The following MGRN1 variants were observed in gnomAD, a reference collection of about 807,000 sequenced individuals.
The protein encoded by MGRN1 is mahogunin ring finger 1, also known as E3 ubiquitin-protein ligase MGRN1.
A neutral mutation model predicts 69.2 loss-of-function variants in MGRN1; 29 were observed. That is an observed-to-expected ratio of 0.42 (90% confidence interval 0.31 to 0.57). The LOEUF (loss-of-function observed/expected upper bound fraction) is 0.57, where lower values mean the gene tolerates loss of function less well. Among genes scored for constraint, MGRN1 ranks in the 20% least tolerant of loss-of-function variants. MGRN1 has a pLI of 0.15. For missense variants in MGRN1, 998 were observed against 796.2 expected (o/e 1.25, Z -3.05); for synonymous variants, 470 against 344.2 (o/e 1.37, Z -4.04).
In MGRN1 at chr16:4,664,789, C is replaced by T. The variant is rs1320523317; in HGVS notation, c.628+14C>T. ...ACGAAGGAGATGGTGAGTGCGTCCT[C>T]TTCCGTCCTCCTGGGCGTGCAGGCC... On this transcript the variant is annotated intron_variant, in intron 6 of 16. Transcript: ENST00000262370. The T allele has an allele frequency of 6.2e-7, 1 of 1,614,086 alleles. No homozygotes were observed.
At chr16:4,679,895 C>G (rs1052960333) in intron 11 of MGRN1, 137 bp from the exon 12 acceptor site, 4 of 826,068 alleles carry the variant, frequency 4.8e-6, no homozygotes, top group Non-Finnish European at 7.8e-6. Context: ...AGGACAGTCC[C>G]GAGATTCACG....
intron 6 of MGRN1, 42 bp from the exon 7 acceptor site, chr16:4,665,060 C>T (rs1330181127): frequency 1.2e-6 from 2 of 1,611,396 alleles, no homozygotes; most frequent in South Asian, 1.1e-5. Context: ...CTGGGTGGGG[C>T]AGGCCCCGAC....
At chr16:4,655,353 G>C (rs1038993252) in intron 4 of MGRN1, among the ~76,000 whole-genome samples, 5 of 152,212 alleles carry the variant, frequency 3.3e-5, no homozygotes, top group African/African-American at 1.2e-4. Flanking sequence ...GCCAGCCCTG[G>C]CTGGTGTCAC....
chr16:4,652,832 C>G lies in MGRN1; in HGVS notation c.443+8C>G, dbSNP rs751585824. 4.4e-6 allele frequency: 7 copies of G among 1,589,282 alleles called. No homozygotes were observed. The African/African-American group carries it at 9.4e-5, about 21-fold the overall frequency. ...CCTGAACGGCAGGGCAGTGTGAGTC[C>G]CGCGGGCGGCTGGCACCGGCCTGGC... On this transcript the variant is annotated splice_region_variant and intron_variant, in intron 4 of 16. Transcript: ENST00000262370.
chr16:4,641,051 C>G (rs1231870492), intron 1 of MGRN1, among the ~76,000 whole-genome samples: 1 of 152,198 alleles, frequency 6.6e-6, no homozygotes, highest in Non-Finnish European at 1.5e-5. Flanking sequence ...TGCGTTCTTT[C>G]ACCTCCACAG....
Position 4,688,957 on chromosome 16 carries a change from C to T in MGRN1, c.*49C>T, listed in dbSNP as rs1245124355. On this transcript the variant is annotated 3_prime_UTR_variant, in exon 17 of 17. Coordinates refer to ENST00000262370, the MANE Select transcript of MGRN1 (RefSeq NM_015246.4). Reference sequence around the variant, plus strand: ...GGAGCCCTCGGCTCCCCAGACTTTGCCGAGGGGCTGCTCCGGACCCCGTTG... The same window carrying T: ...GGAGCCCTCGGCTCCCCAGACTTTGTCGAGGGGCTGCTCCGGACCCCGTTG... The T allele has an allele frequency of 1.3e-6, 2 of 1,502,720 alleles. No individual in the cohort carries two copies. Among genetic ancestry groups the T allele is most frequent in the South Asian group, 1.2e-5 (1 of 80,594 alleles). 93.1% of individuals were successfully genotyped at this position (1,502,720 alleles called of 1,614,324 possible).
chr16:4,688,572 A>G, intron 16 of MGRN1: 1 of 1,288,362 alleles, frequency 7.8e-7, no homozygotes, highest in Non-Finnish European at 9.9e-7. Flanking sequence ...GTGTCCGGGG[A>G]TCTGGGATCG....
intron 4 of MGRN1, among the ~76,000 whole-genome samples, chr16:4,656,547 C>T (rs997411630): frequency 2.0e-5 from 3 of 152,196 alleles, no homozygotes; most frequent in East Asian, 1.9e-4. Flanking sequence ...GGGGAAGATG[C>T]ATTTTGCACT....
chr16:4,637,384 C>T (rs918848493), intron 1 of MGRN1, among the ~76,000 whole-genome samples: 25 of 151,736 alleles, frequency 1.6e-4, no homozygotes, highest in Middle Eastern at 3.4e-3. Context: ...GAGCCAAGAT[C>T]GCGCCATTGC....
chr16:4,647,914 C>G (rs2078308150), intron 1 of MGRN1, among the ~76,000 whole-genome samples: 1 of 152,096 alleles, frequency 6.6e-6, no homozygotes. Flanking sequence ...CCACCTCCCT[C>G]AGGAGGAGCA....
chr16:4,688,570 G>A lies in MGRN1; in HGVS notation c.1619-226G>A, dbSNP rs570925956. On this transcript the variant is annotated intron_variant, in intron 16 of 16. Coordinates refer to ENST00000262370, the MANE Select transcript of MGRN1 (RefSeq NM_015246.4). ...CTGCAGATCTGCTGTGGGTGTCCGG[G>A]GATCTGGGATCGTCTGTCCCAAGAG... is the stretch of plus-strand genomic sequence containing the variant. The A allele has an allele frequency of 1.6e-5, 20 of 1,288,478 alleles. No homozygotes were observed. In the African/African-American group the frequency reaches 2.6e-4, roughly 16 times the overall value. The allele number at this position is 1,288,478 out of a possible 1,614,324, so 79.8% of individuals were successfully genotyped here. A position where few individuals can be genotyped will look rare whatever the true frequency, so the allele number is the denominator to read the frequency against.
intron 1 of MGRN1, among the ~76,000 whole-genome samples, chr16:4,632,246 C>T (rs1458016544): frequency 6.6e-6 from 1 of 151,616 alleles, no homozygotes. Context: ...GATCTATTGA[C>T]CTTTTGACCC....
At chr16:4,687,991 A>ACG in intron 16 of MGRN1, 1 of 985,386 alleles carries the variant, frequency 1.0e-6, no homozygotes, top group Non-Finnish European at 1.2e-6. Flanking sequence ...TGCGAATGTC[A>ACG]CGATTCAGGT....
intron 1 of MGRN1, among the ~76,000 whole-genome samples, chr16:4,628,080 A>G (rs929929465): frequency 8.1e-6 from 1 of 123,112 alleles, no homozygotes; most frequent in African/African-American, 3.5e-5. Context: ...ACTCCGTCTC[A>G]AAAAAAAAAA....
intron 9 of MGRN1, among the ~76,000 whole-genome samples, chr16:4,671,681 G>C (rs2078940518): frequency 6.6e-6 from 1 of 152,148 alleles, no homozygotes; most frequent in Non-Finnish European, 1.5e-5. Context: ...TTGCCATCCA[G>C]GTTCCCCAGG....
intron 5 of MGRN1, 92 bp downstream of exon 5, chr16:4,657,455 G>C (rs761726261): frequency 2.5e-4 from 309 of 1,259,482 alleles, no homozygotes; most frequent in Non-Finnish European, 3.1e-4. Context: ...TGTGTGTTTG[G>C]CTTCCTCCAG....
At chr16:4,687,050 G>A in intron 16 of MGRN1, 6 of 985,704 alleles carry the variant, frequency 6.1e-6, no homozygotes, top group Non-Finnish European at 7.2e-6. Context: ...TGGCCACCGT[G>A]GGCCTGGCAT....
chr16:4,652,144 G>A lies in MGRN1; in HGVS notation c.296+93G>A, dbSNP rs905695118. 9 of 1,294,160 alleles carry A rather than the reference G, an allele frequency of 7.0e-6. No individual in the cohort carries two copies. In the East Asian group the frequency reaches 1.5e-4, roughly 22 times the overall value. 80.2% of individuals were successfully genotyped at this position (1,294,160 alleles called of 1,614,324 possible). A position where few individuals can be genotyped will look rare whatever the true frequency, so the allele number is the denominator to read the frequency against. ...TTGATGCTTGAGGAAAAGGGCAGGC[G>A]GGAGGGGCCCCAGTTTCTGCGCCCT... is the stretch of plus-strand genomic sequence containing the variant. On this transcript the variant is annotated intron_variant, in intron 3 of 16. Transcript: ENST00000262370.
chr16:4,667,804 G>T (rs533652427), intron 7 of MGRN1, among the ~76,000 whole-genome samples: 1 of 152,292 alleles, frequency 6.6e-6, no homozygotes, highest in East Asian at 1.9e-4. Context: ...GCGGTTCCCT[G>T]TGTGTGCACC....
Sources: gnomAD v4.1 joint callset for allele counts (sites outside exome capture counted in the v4.1 genomes callset) on GRCh38, gnomAD v4.1.1 for gene constraint, MANE v1.5 for transcripts, NCBI Gene and HGNC (gene_info 2026-07-23, HGNC 2026-07-21) for gene names.